ADGRB3: variants seen among roughly 807,000 people sequenced by gnomAD.
The protein encoded by ADGRB3 is adhesion G protein-coupled receptor B3, also known as brain-specific angiogenesis inhibitor 3.
ADGRB3 carries 37 observed loss-of-function variants against 193.4 expected under a neutral mutation model. That is an observed-to-expected ratio of 0.19 (90% confidence interval 0.15 to 0.25). The LOEUF is 0.25. Among genes scored for constraint, ADGRB3 ranks in the 10% least tolerant of loss-of-function variants. ADGRB3 has a pLI of 1.00. For synonymous variants in ADGRB3, 690 were observed against 644.2 expected, an observed-to-expected ratio of 1.07 and a Z score of -1.08; for missense variants, 1,637 against 1,852.9, an observed-to-expected ratio of 0.88 and a Z score of 2.14.
chr6:68,706,439 C>T (rs1983623), intron 3 of ADGRB3, among the ~76,000 whole-genome samples: 112,873 of 152,054 alleles, frequency 0.74, 42,378 homozygotes, highest in Middle Eastern at 0.91. Flanking sequence ...AAGCTTGTTA[C>T]GAATAATGGA....
At chr6:68,795,298 T>G (rs2127368367) in intron 3 of ADGRB3, among the ~76,000 whole-genome samples, 1 of 152,142 alleles carries the variant, frequency 6.6e-6, no homozygotes, top group East Asian at 1.9e-4. Flanking sequence ...AAAATTAAAG[T>G]TATCTTTGAT....
At chr6:68,772,874 C>CAAAA (rs1766648196) in intron 3 of ADGRB3, among the ~76,000 whole-genome samples, 1 of 12,540 alleles carries the variant, frequency 8.0e-5, no homozygotes. Context: ...AACAAACAAA[C>CAAAA]AAACAAACAA....
At chr6:68,910,763 A>G (rs1766680746) in intron 3 of ADGRB3, among the ~76,000 whole-genome samples, 2 of 152,074 alleles carry the variant, frequency 1.3e-5, no homozygotes, top group South Asian at 4.1e-4. Flanking sequence ...CCATTGATCT[A>G]TATCTCTGTT....
chr6:69,039,942 G>C (rs590369), intron 13 of ADGRB3, among the ~76,000 whole-genome samples: 23,347 of 151,778 alleles, frequency 0.15, 2,190 homozygotes, highest in South Asian at 0.29. Flanking sequence ...GGGTTTCACT[G>C]TGTCAGCCAG....
At chr6:68,892,313 T>C (rs575218796) in intron 3 of ADGRB3, among the ~76,000 whole-genome samples, 20 of 152,240 alleles carry the variant, frequency 1.3e-4, no homozygotes, top group South Asian at 6.2e-4. Context: ...CCTCACTCCA[T>C]CCATCTGAAG....
chr6:68,912,897 C>T (rs1766759090), intron 3 of ADGRB3, among the ~76,000 whole-genome samples: 1 of 152,162 alleles, frequency 6.6e-6, no homozygotes, highest in Non-Finnish European at 1.5e-5. Flanking sequence ...AAACGGCGCA[C>T]CAGGAGATTA....
At chr6:68,792,623 TA>T in intron 3 of ADGRB3, among the ~76,000 whole-genome samples, 1 of 152,302 alleles carries the variant, frequency 6.6e-6, no homozygotes, top group African/African-American at 2.4e-5. Context: ...ACAATCTATT[TA>T]CTCTGCACTA....
chr6:69,228,813 T>C (rs1766075436), intron 17 of ADGRB3, among the ~76,000 whole-genome samples: 1 of 152,186 alleles, frequency 6.6e-6, no homozygotes, highest in Admixed American at 6.5e-5. Context: ...AGCATTAAAA[T>C]TCACCTGGAA....
chr6:69,327,654 T>G (rs906975531), intron 21 of ADGRB3, among the ~76,000 whole-genome samples, 166 bp from the exon 22 acceptor site: 7 of 152,180 alleles, frequency 4.6e-5, no homozygotes, highest in Non-Finnish European at 7.4e-5. Flanking sequence ...TCTCTCATAT[T>G]TTTCAACTTG....
chr6:68,689,507 A>G (rs537577322), intron 3 of ADGRB3, among the ~76,000 whole-genome samples: 1 of 152,288 alleles, frequency 6.6e-6, no homozygotes, highest in African/African-American at 2.4e-5. Context: ...GTCTAGAATA[A>G]TGTAGATTAC....
chr6:69,244,346 G>A (rs528320843), intron 20 of ADGRB3, among the ~76,000 whole-genome samples: 1 of 151,986 alleles, frequency 6.6e-6, no homozygotes, highest in African/African-American at 2.4e-5. Context: ...TCTAATGGAA[G>A]ATTTTTTTGT....
chr6:69,084,344 G>C (rs887110814), intron 17 of ADGRB3, among the ~76,000 whole-genome samples: 1 of 152,004 alleles, frequency 6.6e-6, no homozygotes, highest in Non-Finnish European at 1.5e-5. Flanking sequence ...AAAAACCAAG[G>C]AGCCATGTGT....
At chr6:68,733,642 T>C (rs1765816734) in intron 3 of ADGRB3, among the ~76,000 whole-genome samples, 1 of 120,262 alleles carries the variant, frequency 8.3e-6, no homozygotes, top group South Asian at 2.7e-4. Context: ...GAATGATGGA[T>C]ACCAGAGCTG....
chr6:69,036,680 C>A (rs1770881358), intron 13 of ADGRB3, among the ~76,000 whole-genome samples: 3 of 151,870 alleles, frequency 2.0e-5, no homozygotes, highest in African/African-American at 7.3e-5. Context: ...TTAGCGGAGA[C>A]CCATGGATAA....
At chr6:69,004,048 A>T (rs1302991004) in intron 11 of ADGRB3, among the ~76,000 whole-genome samples, 1 of 152,234 alleles carries the variant, frequency 6.6e-6, no homozygotes, top group Non-Finnish European at 1.5e-5. Flanking sequence ...TTTTCTTCAG[A>T]GTCAAGAAAA....
At chr6:69,249,267 C>G (rs565110808) in intron 20 of ADGRB3, among the ~76,000 whole-genome samples, 1 of 152,128 alleles carries the variant, frequency 6.6e-6, no homozygotes, top group Non-Finnish European at 1.5e-5. Flanking sequence ...TGAGCCACGG[C>G]GCCCAGCTGA....
chr6:69,155,916 G>A (rs560063807), intron 17 of ADGRB3, among the ~76,000 whole-genome samples: 1 of 152,124 alleles, frequency 6.6e-6, no homozygotes, highest in African/African-American at 2.4e-5. Flanking sequence ...CATTTTCACT[G>A]ATACAGCAAT....
At chr6:68,755,199 A>T (rs989782358) in intron 3 of ADGRB3, among the ~76,000 whole-genome samples, 1 of 152,202 alleles carries the variant, frequency 6.6e-6, no homozygotes, top group East Asian at 1.9e-4. Context: ...AGAGATGATT[A>T]TCTTCCCTCC....
chr6:68,636,910 A>G (rs1490888585), intron 1 of ADGRB3, among the ~76,000 whole-genome samples: 1 of 149,724 alleles, frequency 6.7e-6, no homozygotes, highest in Non-Finnish European at 1.5e-5. Context: ...CCTACACTCT[A>G]TCCTGAAGAA....
Sources: gnomAD v4.1 joint callset for allele counts (sites outside exome capture counted in the v4.1 genomes callset) on GRCh38, gnomAD v4.1.1 for gene constraint, MANE v1.5 for transcripts, NCBI Gene and HGNC (gene_info 2026-07-23, HGNC 2026-07-21) for gene names.